Variants in OSBPL1A observed in about 807,000 individuals in gnomAD.
OSBPL1A encodes oxysterol-binding protein-related protein 1.
Under a neutral mutation model 137.1 loss-of-function variants are expected in OSBPL1A, and 80 were observed. The observed-to-expected ratio is 0.58, with a 90% CI of 0.49 to 0.70. OSBPL1A has a LOEUF of 0.70. Among genes scored for constraint, OSBPL1A ranks in the 30% least tolerant of loss-of-function variants. OSBPL1A has a pLI of 0.00. For synonymous variants in OSBPL1A, 365 were observed against 389.7 expected (o/e 0.94, Z 0.75); for missense variants, 970 against 1,129.4 (o/e 0.86, Z 2.02).
At chr18:24,231,541 T>C (rs1248996152) in intron 16 of OSBPL1A, among the ~76,000 whole-genome samples, 1 of 152,344 alleles carries the variant, frequency 6.6e-6, no homozygotes, top group African/African-American at 2.4e-5. Flanking sequence ...CCACCCACTT[T>C]GGCCTCAAAG....
intron 13 of OSBPL1A, among the ~76,000 whole-genome samples, chr18:24,305,558 G>A (rs2090482842): frequency 2.0e-5 from 3 of 152,104 alleles, no homozygotes; most frequent in Admixed American, 1.3e-4. Flanking sequence ...GTTATATTTT[G>A]AAAAACTAAA....
intron 15 of OSBPL1A, among the ~76,000 whole-genome samples, chr18:24,246,403 G>A (rs147467029): frequency 7.9e-5 from 12 of 152,118 alleles, no homozygotes; most frequent in Non-Finnish European, 1.5e-4. Flanking sequence ...AGCCAGTGGA[G>A]GAGGGGAAGA....
chr18:24,360,866 C>A (rs1284884762), intron 4 of OSBPL1A, among the ~76,000 whole-genome samples: 2 of 152,198 alleles, frequency 1.3e-5, no homozygotes, highest in African/African-American at 4.8e-5. Context: ...TCCCCCTGTG[C>A]TCCCTGAGCT....
intron 18 of OSBPL1A, among the ~76,000 whole-genome samples, chr18:24,188,909 T>G (rs995178199): frequency 1.3e-5 from 2 of 152,214 alleles, no homozygotes; most frequent in African/African-American, 4.8e-5. Flanking sequence ...TGGTGCTGCA[T>G]TCTCTAGATA....
intron 18 of OSBPL1A, among the ~76,000 whole-genome samples, chr18:24,190,658 T>A (rs191458): frequency 6.6e-6 from 1 of 152,250 alleles, no homozygotes; most frequent in Non-Finnish European, 1.5e-5. Flanking sequence ...AAATTTTGTT[T>A]AACTATCTTG....
At chr18:24,200,571 A>C (rs1390051017) in intron 17 of OSBPL1A, among the ~76,000 whole-genome samples, 1 of 151,906 alleles carries the variant, frequency 6.6e-6, no homozygotes, top group Admixed American at 6.6e-5. Flanking sequence ...CAAAAAAAAA[A>C]AAAAAAAAAG....
chr18:24,315,138 CA>C (rs2090695470), intron 11 of OSBPL1A, among the ~76,000 whole-genome samples: 1 of 152,136 alleles, frequency 6.6e-6, no homozygotes, highest in African/African-American at 2.4e-5. Flanking sequence ...GGAAAGGGGC[CA>C]AGGAGCTGTG....
chr18:24,251,497 C>T (rs1382321174), intron 15 of OSBPL1A, among the ~76,000 whole-genome samples: 1 of 152,190 alleles, frequency 6.6e-6, no homozygotes, highest in Non-Finnish European at 1.5e-5. Flanking sequence ...AGATCTTATC[C>T]AAGACCACCA....
chr18:24,317,793 G>A (rs1282627392), intron 9 of OSBPL1A, among the ~76,000 whole-genome samples: 3 of 152,146 alleles, frequency 2.0e-5, no homozygotes, highest in Admixed American at 6.5e-5. Context: ...TACATAAATA[G>A]ATTAAGGGAT....
intron 6 of OSBPL1A, 148 bp from the exon 7 acceptor site, chr18:24,333,234 G>A: frequency 2.6e-6 from 2 of 772,082 alleles, no homozygotes; most frequent in Non-Finnish European, 4.1e-6. Flanking sequence ...CACTAAACCA[G>A]CCAACCCTGC....
At chr18:24,358,144 T>C (rs1329488579) in intron 4 of OSBPL1A, 2 of 388,744 alleles carry the variant, frequency 5.1e-6, no homozygotes, top group East Asian at 9.2e-5. Context: ...TGTGTCCTGG[T>C]ATTCTCTTGT....
chr18:24,336,745 T>C (rs934654093), intron 5 of OSBPL1A, among the ~76,000 whole-genome samples: 4 of 152,250 alleles, frequency 2.6e-5, no homozygotes, highest in Admixed American at 2.0e-4. Flanking sequence ...GATGCTTACA[T>C]ACATGCAGAG....
intron 1 of OSBPL1A, among the ~76,000 whole-genome samples, chr18:24,390,842 G>A (rs906381063): frequency 1.3e-5 from 2 of 151,782 alleles, no homozygotes; most frequent in Non-Finnish European, 2.9e-5. Context: ...GCTCACGGCT[G>A]TAATCGCGGC....
chr18:24,258,732 A>G (rs2089356432), intron 15 of OSBPL1A, among the ~76,000 whole-genome samples: 2 of 152,078 alleles, frequency 1.3e-5, no homozygotes, highest in South Asian at 2.1e-4. Context: ...CCTTATATCT[A>G]TGTGCTCACA....
At position 24,294,145 on chromosome 18, in the gene OSBPL1A, G is replaced by C. The variant is rs1057367554; in HGVS notation, c.1174+9492C>G. 2.0e-5 allele frequency among the ~76,000 whole-genome samples: 3 copies of C among 151,694 alleles called. No homozygotes were observed. The South Asian group carries it at 6.2e-4, about 32-fold the overall frequency. ...AGGTGGTGTTTGGTTACATGCATAA[G>C]TTCCTTAGTGAAGAAGTCTAAGATT... On this transcript the variant is annotated intron_variant, in intron 14 of 27. Transcript: ENST00000319481.
At chr18:24,298,185 T>G (rs1208347789) in intron 14 of OSBPL1A, among the ~76,000 whole-genome samples, 1 of 152,198 alleles carries the variant, frequency 6.6e-6, no homozygotes, top group Non-Finnish European at 1.5e-5. Context: ...GAAGTTACCC[T>G]ATATGGTCTA....
chr18:24,347,841 G>GAAAAAAAAAAAAAAAAAA (rs34599277), intron 4 of OSBPL1A: 1 of 55,744 alleles, frequency 1.8e-5, no homozygotes, highest in Non-Finnish European at 3.2e-5. Flanking sequence ...CACTCCATCT[G>GAAAAAAAAAAAAAAAAAA]AAAAAAAAAA....
intron 17 of OSBPL1A, among the ~76,000 whole-genome samples, chr18:24,211,510 T>C (rs1199467997): frequency 6.6e-6 from 1 of 152,124 alleles, no homozygotes; most frequent in Non-Finnish European, 1.5e-5. Context: ...ATGAAAACTG[T>C]TGTAACTTTT....
At chr18:24,232,237 T>C (rs189219810) in intron 16 of OSBPL1A, among the ~76,000 whole-genome samples, 7 of 152,236 alleles carry the variant, frequency 4.6e-5, no homozygotes, top group Non-Finnish European at 7.4e-5. Context: ...ATATTTAAAG[T>C]GAATCATAAA....
Sources: gnomAD v4.1 joint callset for allele counts (sites outside exome capture counted in the v4.1 genomes callset) on GRCh38, gnomAD v4.1.1 for gene constraint, MANE v1.5 for transcripts, NCBI Gene and HGNC (gene_info 2026-07-23, HGNC 2026-07-21) for gene names.